FSD1L: variants seen among roughly 807,000 people sequenced by gnomAD.
FSD1L encodes fibronectin type III and SPRY domain containing 1 like.
In FSD1L, 45 loss-of-function variants were observed where a neutral mutation model predicts 71.6. That is an observed-to-expected ratio of 0.63 (90% CI 0.49 to 0.81). FSD1L has a LOEUF of 0.81. Among genes scored for constraint, FSD1L ranks in the 30% least tolerant of loss-of-function variants. The probability of loss-of-function intolerance (pLI) is 0.00; values close to 1 mark genes in which losing one functional copy is unlikely to be tolerated. For synonymous variants in FSD1L, 197 were observed against 207.2 expected, an observed-to-expected ratio of 0.95 and a Z score of 0.42; for missense variants, 561 against 618.1, an observed-to-expected ratio of 0.91 and a Z score of 0.98.
chr9:105,498,419 T>C (rs527603583), intron 7 of FSD1L, among the ~76,000 whole-genome samples: 80 of 152,226 alleles, frequency 5.3e-4, no homozygotes, highest in African/African-American at 1.9e-3. Flanking sequence ...CTATATTATA[T>C]AGCAGATTGT....
Position 105,474,049 on chromosome 9 carries a change from G to A in FSD1L, c.441+2044G>A, listed in dbSNP as rs144138381. ...GTGAAATGAATTACAACCATGTGTC[G>A]CTTAACGAGGATGTCTTCTAAGAAA... On this transcript the variant is annotated intron_variant, in intron 5 of 13. Transcript: ENST00000481272. 5.6e-3 allele frequency among the ~76,000 whole-genome samples: 854 copies of A among 152,252 alleles called. 10 individuals are homozygous for A. Among genetic ancestry groups the A allele is most frequent in the African/African-American group, 0.02 (821 of 41,550 alleles).
intron 6 of FSD1L, among the ~76,000 whole-genome samples, chr9:105,479,839 A>G (rs1832054988): frequency 6.6e-6 from 1 of 152,178 alleles, no homozygotes; most frequent in Non-Finnish European, 1.5e-5. Context: ...TTCTCATTCC[A>G]TCCTGTTCCT....
chr9:105,442,996 A>G (rs187069631), upstream of FSD1L, among the ~76,000 whole-genome samples: 143 of 152,180 alleles, frequency 9.4e-4, no homozygotes, highest in Non-Finnish European at 2.0e-3. Flanking sequence ...GATCATATCC[A>G]CTCTGAGTTT....
intron 13 of FSD1L, among the ~76,000 whole-genome samples, chr9:105,540,911 G>C (rs988829064): frequency 2.0e-5 from 3 of 152,096 alleles, no homozygotes; most frequent in Non-Finnish European, 4.4e-5. Context: ...TTAGGTTCCC[G>C]TGGGGAGTTG....
At chr9:105,493,830 C>A (rs1043856005) in intron 7 of FSD1L, among the ~76,000 whole-genome samples, 1 of 152,128 alleles carries the variant, frequency 6.6e-6, no homozygotes, top group Non-Finnish European at 1.5e-5. Context: ...ATATTGGCCC[C>A]CACTCTCTTC....
chr9:105,480,534 C>T (rs537019028), intron 6 of FSD1L, among the ~76,000 whole-genome samples: 7 of 152,272 alleles, frequency 4.6e-5, no homozygotes, highest in South Asian at 2.1e-4. Flanking sequence ...TCAAGCTATC[C>T]GCCCAACTTG....
chr9:105,471,011 A>C (rs1229418391), intron 4 of FSD1L, among the ~76,000 whole-genome samples: 5 of 151,682 alleles, frequency 3.3e-5, no homozygotes, highest in African/African-American at 1.2e-4. Context: ...TTAATCTCCA[A>C]CCTTCCCTTT....
intron 10 of FSD1L, among the ~76,000 whole-genome samples, chr9:105,514,452 G>A (rs1834580904): frequency 6.6e-6 from 1 of 152,130 alleles, no homozygotes; most frequent in Non-Finnish European, 1.5e-5. Flanking sequence ...GATGTTATAG[G>A]ATTTATAGGG....
At chr9:105,533,898 T>G (rs1359527928) in intron 10 of FSD1L, among the ~76,000 whole-genome samples, 5 of 151,988 alleles carry the variant, frequency 3.3e-5, no homozygotes, top group African/African-American at 1.2e-4. Context: ...TAATTTTGTA[T>G]TTTTAGTAGA....
chr9:105,534,760 A>C (rs942454365), intron 11 of FSD1L, among the ~76,000 whole-genome samples, 167 bp downstream of exon 11: 14 of 152,176 alleles, frequency 9.2e-5, no homozygotes, highest in Admixed American at 9.2e-4. Context: ...TTGTCTTATT[A>C]TTATTGATAC....
chr9:105,508,911 T>C lies in FSD1L; in HGVS notation c.895+196T>C, dbSNP rs1834233750. Among the ~76,000 whole-genome samples, 3 of 152,230 alleles carry C rather than the reference T, an allele frequency of 2.0e-5. No homozygotes were observed. In the South Asian group the frequency reaches 6.2e-4, roughly 32 times the overall value. ...TTTCATTGGGTTTTCTTATATGATT[T>C]TATTTATACAGATAAAATAGACTGA... On this transcript the variant is annotated intron_variant, in intron 9 of 13. Coordinates refer to ENST00000481272, the MANE Select transcript of FSD1L (RefSeq NM_001145313.3).
intron 12 of FSD1L, among the ~76,000 whole-genome samples, chr9:105,535,968 C>T (rs1212742676): frequency 6.6e-6 from 1 of 152,168 alleles, no homozygotes; most frequent in African/African-American, 2.4e-5. Context: ...CTCATGATAT[C>T]TTTAGAGGGG....
chr9:105,462,981 T>C (rs1041371119), intron 2 of FSD1L, among the ~76,000 whole-genome samples: 1 of 151,144 alleles, frequency 6.6e-6, no homozygotes, highest in African/African-American at 2.4e-5. Flanking sequence ...CTACTAAAAA[T>C]GCAAAAATTA....
chr9:105,524,772 C>G lies in FSD1L; in HGVS notation c.1026-9721C>G, dbSNP rs576917054. ...GCATGGATTAATCTCTATAGCAGCC[C>G]GCACTGTTATTACACATCTGGTAAA... On this transcript the variant is annotated intron_variant, in intron 10 of 13. Transcript: ENST00000481272. 6.2e-6 allele frequency: 10 copies of G among 1,605,222 alleles called. No homozygotes were observed. In the East Asian group the frequency reaches 1.8e-4, roughly 29 times the overall value.
upstream of FSD1L, among the ~76,000 whole-genome samples, chr9:105,446,132 G>A (rs982449892): frequency 1.3e-5 from 2 of 151,888 alleles, no homozygotes; most frequent in African/African-American, 2.4e-5. Flanking sequence ...TACAGTCAGG[G>A]GGATCCATGT....
At chr9:105,448,005 T>C (rs1173552867), upstream of FSD1L, 2 of 563,306 alleles carry the variant, frequency 3.6e-6, no homozygotes, top group African/African-American at 2.0e-5. Context: ...CGCGGTGCGC[T>C]CCTCAGCCCC....
chr9:105,469,200 C>T (rs1316280847), intron 4 of FSD1L, among the ~76,000 whole-genome samples: 1 of 152,196 alleles, frequency 6.6e-6, no homozygotes. Context: ...CACCTCTTAG[C>T]TATTGTGAAT....
intron 7 of FSD1L, among the ~76,000 whole-genome samples, chr9:105,485,648 C>CT (rs774719538): frequency 0.01 from 1,322 of 127,154 alleles, 10 homozygotes; most frequent in African/African-American, 0.019. Flanking sequence ...CTTACAAGTA[C>CT]TTTTTTTTTT....
rs149728195 is a variant in FSD1L at position 105,532,270 on chromosome 9, C to T, written c.1026-2223C>T. Among the ~76,000 whole-genome samples the T allele has an allele frequency of 2.8e-4, 42 of 152,224 alleles. No individual in the cohort carries two copies. The East Asian group carries it at 7.1e-3, about 26-fold the overall frequency. On this transcript the variant is annotated intron_variant, in intron 10 of 13. Transcript: ENST00000481272. ...TGAAAACATACAGACCTTTTGTGATCGGGCTTTTAACATTCTCTATCAGCT... is the reference window on the plus strand; with the variant it reads ...TGAAAACATACAGACCTTTTGTGATTGGGCTTTTAACATTCTCTATCAGCT...
Sources: allele counts gnomAD v4.1 joint callset (sites outside exome capture counted in the v4.1 genomes callset), GRCh38; gene constraint gnomAD v4.1.1; transcripts MANE v1.5; gene names NCBI Gene and HGNC (gene_info 2026-07-23, HGNC 2026-07-21).